Variants in CREB3L2 observed in about 807,000 individuals in gnomAD.
CREB3L2 encodes the protein cAMP responsive element binding protein 3 like 2, also known as cyclic AMP-responsive element-binding protein 3-like protein 2.
In CREB3L2, 23 loss-of-function variants were observed where a neutral mutation model predicts 57.2. That is an observed-to-expected ratio of 0.40 (90% CI 0.29 to 0.57). The LOEUF is 0.57. Among genes scored for constraint, CREB3L2 ranks in the 20% least tolerant of loss-of-function variants. The probability of loss-of-function intolerance (pLI) is 0.42; values close to 1 mark genes in which losing one functional copy is unlikely to be tolerated. For missense variants in CREB3L2, 628 were observed against 634.7 expected, an observed-to-expected ratio of 0.99 and a Z score of 0.11; for synonymous variants, 268 against 265.1, an observed-to-expected ratio of 1.01 and a Z score of -0.11.
intron 1 of CREB3L2, among the ~76,000 whole-genome samples, chr7:137,958,931 G>A (rs988554246): frequency 6.6e-6 from 1 of 152,220 alleles, no homozygotes; most frequent in Non-Finnish European, 1.5e-5. Context: ...CACAAGGGAT[G>A]TAAAAACTTA....
chr7:137,927,008 T>C (rs28600790), intron 2 of CREB3L2, among the ~76,000 whole-genome samples: 7,210 of 151,906 alleles, frequency 0.047, 366 homozygotes, highest in African/African-American at 0.13. Context: ...AATAAAAAAA[T>C]TAGCCAGGTG....
chr7:137,969,363 T>C (rs1002540515), intron 1 of CREB3L2, among the ~76,000 whole-genome samples: 2 of 97,540 alleles, frequency 2.1e-5, no homozygotes, highest in Admixed American at 1.1e-4. Flanking sequence ...TTTTTTTTTT[T>C]TGAGACAGAG....
intron 1 of CREB3L2, among the ~76,000 whole-genome samples, chr7:137,993,287 G>GC (rs1242239277): frequency 6.6e-6 from 1 of 152,166 alleles, no homozygotes; most frequent in African/African-American, 2.4e-5. Flanking sequence ...TCACCAGAGA[G>GC]CCTGTGTCCC....
chr7:137,912,863 A>G, intron 4 of CREB3L2, 128 bp downstream of exon 4: 1 of 1,542,142 alleles, frequency 6.5e-7, no homozygotes, highest in Non-Finnish European at 8.8e-7. Context: ...TTAAGAACAG[A>G]GCTATTTCAT....
rs144906924 is a variant in CREB3L2, at chr7:137,897,896, G to A, written c.1043+3458C>T. On this transcript the variant is annotated intron_variant, in intron 8 of 11. Coordinates refer to ENST00000330387, the MANE Select transcript of CREB3L2 (RefSeq NM_194071.4). Reference sequence around the variant, plus strand: ...GTATGCATCTTCCTTAAGTCGAAACGTATGATAAACAAGTAAAACTATATC... The same window carrying A: ...GTATGCATCTTCCTTAAGTCGAAACATATGATAAACAAGTAAAACTATATC... Among the ~76,000 whole-genome samples the A allele has an allele frequency of 5.8e-3, 888 of 152,022 alleles. 12 individuals carry two copies. Among genetic ancestry groups the A allele is most frequent in the African/African-American group, 0.017 (718 of 41,468 alleles).
intron 10 of CREB3L2, chr7:137,884,352 T>G (rs1401961020): frequency 4.0e-5 from 6 of 150,166 alleles, no homozygotes; most frequent in African/African-American, 1.5e-4. Flanking sequence ...GTTCACAATA[T>G]TCTCCTGCCT....
At chr7:137,913,516 A>G (rs1800060919) in intron 3 of CREB3L2, among the ~76,000 whole-genome samples, 1 of 151,566 alleles carries the variant, frequency 6.6e-6, no homozygotes, top group Admixed American at 6.6e-5. Flanking sequence ...CAAAAAAAAA[A>G]AAAAAGAAAA....
chr7:137,905,602 T>G, intron 6 of CREB3L2, 100 bp downstream of exon 6: 3 of 1,284,344 alleles, frequency 2.3e-6, no homozygotes, highest in Non-Finnish European at 3.4e-6. Flanking sequence ...GTCTCCACCA[T>G]GGGATGGGGT....
chr7:137,908,540 C>T (rs898736310), intron 4 of CREB3L2, 104 bp from the exon 5 acceptor site: 12 of 757,390 alleles, frequency 1.6e-5, no homozygotes, highest in Non-Finnish European at 1.8e-5. Flanking sequence ...CATGAGCTGA[C>T]CTGGACAGAT....
At chr7:137,981,561 A>T (rs1213089267) in intron 1 of CREB3L2, among the ~76,000 whole-genome samples, 2 of 152,218 alleles carry the variant, frequency 1.3e-5, no homozygotes, top group East Asian at 1.9e-4. Context: ...TAACTAGGAA[A>T]AAAGTCACAG....
chr7:137,912,694 G>C (rs747871180), intron 4 of CREB3L2: 5 of 694,228 alleles, frequency 7.2e-6, no homozygotes, highest in Non-Finnish European at 1.2e-5. Context: ...TCTCTTGTTC[G>C]ATAGTGTTTG....
intron 2 of CREB3L2, chr7:137,922,645 G>A (rs751742625): frequency 2.4e-5 from 11 of 449,098 alleles, no homozygotes; most frequent in Non-Finnish European, 4.0e-5. Flanking sequence ...TGAACCATGC[G>A]GGTCCACTCA....
intron 8 of CREB3L2, among the ~76,000 whole-genome samples, chr7:137,896,784 G>A (rs527680213): frequency 1.4e-4 from 22 of 152,314 alleles, no homozygotes; most frequent in Admixed American, 1.3e-3. Context: ...TCAAGGGAAG[G>A]CACAGAGTAC....
At chr7:137,893,975 G>A (rs1263915244) in intron 8 of CREB3L2, among the ~76,000 whole-genome samples, 2 of 152,170 alleles carry the variant, frequency 1.3e-5, no homozygotes, top group Admixed American at 1.3e-4. Flanking sequence ...GCCAAAATGT[G>A]GTAGTATAAG....
intron 8 of CREB3L2, among the ~76,000 whole-genome samples, chr7:137,893,774 CT>C (rs1799567347): frequency 6.6e-6 from 1 of 152,180 alleles, no homozygotes; most frequent in Admixed American, 6.5e-5. Context: ...AATTTTATTT[CT>C]GATAACAATA....
rs547078269 is a variant in CREB3L2 at position 137,878,258 on chromosome 7, G to A, written c.*2218C>T. On this transcript the variant is annotated 3_prime_UTR_variant, in exon 12 of 12. Coordinates refer to ENST00000330387, the MANE Select transcript of CREB3L2 (RefSeq NM_194071.4). ...AGCACGTTTCCTACTCTACGTCTGG[G>A]AGCCTTGAAAACCCAGTCTGGTTCA... 73 of 232,826 alleles carry A rather than the reference G, an allele frequency of 3.1e-4. No individual in the cohort carries two copies. The highest frequency in any genetic ancestry group is 1.6e-3 in the African/African-American group (71 of 45,446). The allele number at this position is 232,826 out of a possible 1,614,324, so 14.4% of individuals were successfully genotyped here. A position where few individuals can be genotyped will look rare whatever the true frequency, so the allele number is the denominator to read the frequency against.
intron 2 of CREB3L2, among the ~76,000 whole-genome samples, chr7:137,922,074 A>G (rs766071660): frequency 5.8e-4 from 88 of 151,816 alleles, no homozygotes; most frequent in Non-Finnish European, 9.6e-4. Flanking sequence ...CCAGCTCAAC[A>G]TACATCTTAT....
intron 1 of CREB3L2, among the ~76,000 whole-genome samples, chr7:137,929,667 C>A (rs1278148482): frequency 6.6e-6 from 1 of 150,864 alleles, no homozygotes; most frequent in African/African-American, 2.4e-5. Context: ...TTGAGACCAG[C>A]CTGGCCAACA....
chr7:137,929,843 C>T (rs538419734), intron 1 of CREB3L2, among the ~76,000 whole-genome samples: 71 of 149,982 alleles, frequency 4.7e-4, no homozygotes, highest in Non-Finnish European at 8.4e-4. Context: ...CACTCCAGCC[C>T]GGGCAACAGT....
Sources: gnomAD v4.1 joint callset for allele counts (sites outside exome capture counted in the v4.1 genomes callset) on GRCh38, gnomAD v4.1.1 for gene constraint, MANE v1.5 for transcripts, NCBI Gene and HGNC (gene_info 2026-07-23, HGNC 2026-07-21) for gene names.